The following LRRC4C variants were observed in gnomAD, a reference collection of about 807,000 sequenced individuals.
LRRC4C encodes leucine rich repeat containing 4C.
A neutral mutation model predicts 33.6 loss-of-function variants in LRRC4C; 5 were observed. The ratio of observed to expected loss-of-function variants is 0.15; its 90% CI spans 0.08 to 0.31. The LOEUF (loss-of-function observed/expected upper bound fraction) is 0.31, where lower values mean the gene tolerates loss of function less well. Ranked by LOEUF, LRRC4C falls within the 10% of genes least tolerant of loss-of-function variation. The pLI, the probability that LRRC4C is intolerant of heterozygous loss-of-function variation, is 1.00. For missense variants in LRRC4C, 560 were observed against 796.7 expected (o/e 0.70, Z 3.58); for synonymous variants, 329 against 302.0 (o/e 1.09, Z -0.93).
intron 4 of LRRC4C, among the ~76,000 whole-genome samples, chr11:40,290,547 C>T (rs1944125379): frequency 6.6e-6 from 1 of 152,146 alleles, no homozygotes; most frequent in African/African-American, 2.4e-5. Flanking sequence ...ATGCTTTCAG[C>T]TGTGTGTTTC....
intron 2 of LRRC4C, among the ~76,000 whole-genome samples, chr11:40,764,316 G>C (rs1949353935): frequency 6.6e-6 from 1 of 152,120 alleles, no homozygotes; most frequent in Non-Finnish European, 1.5e-5. Flanking sequence ...AACATCATCT[G>C]TAGCCAGGCA....
chr11:41,373,144 G>T (rs1388217186), intron 1 of LRRC4C, among the ~76,000 whole-genome samples: 1 of 151,960 alleles, frequency 6.6e-6, no homozygotes, highest in Admixed American at 6.6e-5. Context: ...GTCTATTTAG[G>T]TCATAATATA....
chr11:40,804,681 C>A (rs552427196), intron 2 of LRRC4C, among the ~76,000 whole-genome samples: 1 of 152,304 alleles, frequency 6.6e-6, no homozygotes, highest in Admixed American at 6.5e-5. Context: ...CCAGTTGATT[C>A]TCAAGCCTCC....
chr11:40,216,691 A>G (rs1042685715), intron 5 of LRRC4C, among the ~76,000 whole-genome samples: 8 of 152,182 alleles, frequency 5.3e-5, no homozygotes, highest in African/African-American at 1.9e-4. Context: ...GCGTTCTGTG[A>G]ATTTCCCCAG....
intron 3 of LRRC4C, among the ~76,000 whole-genome samples, chr11:40,633,901 T>C (rs76337021): frequency 0.058 from 8,846 of 152,272 alleles, 350 homozygotes; most frequent in Non-Finnish European, 0.081. Flanking sequence ...ATGAAATACA[T>C]ATATGTGAAA....
chr11:40,967,018 C>A (rs115750389), intron 1 of LRRC4C, among the ~76,000 whole-genome samples: 1 of 151,966 alleles, frequency 6.6e-6, no homozygotes, highest in South Asian at 2.1e-4. Flanking sequence ...ACGATAGGGG[C>A]AATCTGGGAG....
At chr11:41,059,108 T>A (rs2135347536) in intron 1 of LRRC4C, among the ~76,000 whole-genome samples, 1 of 151,734 alleles carries the variant, frequency 6.6e-6, no homozygotes, top group Middle Eastern at 3.5e-3. Context: ...ACAGATACTA[T>A]GCTTATTACC....
intron 2 of LRRC4C, among the ~76,000 whole-genome samples, chr11:40,697,985 A>G (rs976082373): frequency 7.3e-5 from 11 of 151,180 alleles, no homozygotes; most frequent in African/African-American, 1.2e-4. Flanking sequence ...GGATAATGGC[A>G]TGAACCCGGG....
chr11:40,586,218 T>C (rs1958733852), intron 3 of LRRC4C, among the ~76,000 whole-genome samples: 1 of 152,162 alleles, frequency 6.6e-6, no homozygotes, highest in Non-Finnish European at 1.5e-5. Context: ...ATTTCTCTGA[T>C]GACCAGTGAT....
chr11:40,139,587 C>G (rs1476103328), intron 6 of LRRC4C, among the ~76,000 whole-genome samples: 1 of 152,102 alleles, frequency 6.6e-6, no homozygotes, highest in African/African-American at 2.4e-5. Flanking sequence ...TTAAAAGGGA[C>G]TTCTTCAGAG....
At chr11:41,452,863 A>G (rs1956068837) in intron 1 of LRRC4C, among the ~76,000 whole-genome samples, 1 of 152,148 alleles carries the variant, frequency 6.6e-6, no homozygotes, top group Admixed American at 6.6e-5. Flanking sequence ...CAACATTTAT[A>G]CAAACTGAAA....
chr11:40,741,078 T>C (rs1264154531), intron 2 of LRRC4C, among the ~76,000 whole-genome samples: 1 of 152,026 alleles, frequency 6.6e-6, no homozygotes, highest in Non-Finnish European at 1.5e-5. Context: ...TCAACAAACA[T>C]TTAAATGTTT....
chr11:40,462,079 T>G (rs1952424939), intron 3 of LRRC4C, among the ~76,000 whole-genome samples: 1 of 152,030 alleles, frequency 6.6e-6, no homozygotes, highest in Non-Finnish European at 1.5e-5. Context: ...CAATATAGTG[T>G]ATTTTCAGTA....
chr11:40,807,090 T>C (rs1197786104), intron 2 of LRRC4C, among the ~76,000 whole-genome samples: 1 of 152,180 alleles, frequency 6.6e-6, no homozygotes, highest in Non-Finnish European at 1.5e-5. Context: ...CTGGATATGG[T>C]TGTTTTCAAA....
At chr11:41,402,045 A>G (rs1192265713) in intron 1 of LRRC4C, among the ~76,000 whole-genome samples, 1 of 152,002 alleles carries the variant, frequency 6.6e-6, no homozygotes, top group Non-Finnish European at 1.5e-5. Flanking sequence ...ATACATAAAA[A>G]TGTCTTGTCC....
intron 1 of LRRC4C, among the ~76,000 whole-genome samples, chr11:41,252,221 G>C (rs1948662055): frequency 6.6e-6 from 1 of 152,126 alleles, no homozygotes; most frequent in Non-Finnish European, 1.5e-5. Flanking sequence ...AAAAGTGCTG[G>C]AAAATGTCGA....
At chr11:40,143,131 T>C (rs1857487603) in intron 5 of LRRC4C, among the ~76,000 whole-genome samples, 1 of 152,170 alleles carries the variant, frequency 6.6e-6, no homozygotes, top group Non-Finnish European at 1.5e-5. Context: ...CACCCATGCA[T>C]TGGAAATTCT....
intron 4 of LRRC4C, among the ~76,000 whole-genome samples, chr11:40,263,162 T>C (rs10742536): frequency 0.77 from 117,121 of 151,760 alleles, 47,961 homozygotes; most frequent in East Asian, 0.96. Context: ...ATAGTAGTGA[T>C]TAAACTATTA....
intron 1 of LRRC4C, among the ~76,000 whole-genome samples, chr11:41,408,829 C>T (rs982127931): frequency 6.6e-6 from 1 of 151,158 alleles, no homozygotes. Context: ...AGTGAAAGAG[C>T]CAAGATTCCA....
Sources: allele counts gnomAD v4.1 joint callset (sites outside exome capture counted in the v4.1 genomes callset), GRCh38; gene constraint gnomAD v4.1.1; transcripts MANE v1.5; gene names NCBI Gene and HGNC (gene_info 2026-07-23, HGNC 2026-07-21).